Variants in GRID2 observed in about 807,000 individuals in gnomAD.
GRID2 encodes the protein glutamate ionotropic receptor delta type subunit 2.
A neutral mutation model predicts 114.8 loss-of-function variants in GRID2; 33 were observed. The ratio of observed to expected loss-of-function variants is 0.29; its 90% CI spans 0.22 to 0.38. The LOEUF (loss-of-function observed/expected upper bound fraction) is 0.38. Among genes scored for constraint, GRID2 ranks in the 10% least tolerant of loss-of-function variants. GRID2 has a pLI of 1.00. For synonymous variants in GRID2, 505 were observed against 449.9 expected, an observed-to-expected ratio of 1.12 and a Z score of -1.55; for missense variants, 1,184 against 1,257.7, an observed-to-expected ratio of 0.94 and a Z score of 0.89.
At chr4:93,385,358 A>C (rs765611269) in intron 8 of GRID2, among the ~76,000 whole-genome samples, 1 of 152,234 alleles carries the variant, frequency 6.6e-6, no homozygotes, top group Admixed American at 6.5e-5. Context: ...AAACAATTGT[A>C]GAATCACCAA....
intron 1 of GRID2, among the ~76,000 whole-genome samples, chr4:92,437,257 T>C (rs183167261): frequency 2.0e-5 from 3 of 152,292 alleles, no homozygotes; most frequent in Non-Finnish European, 4.4e-5. Context: ...AAATGATTCA[T>C]TTATATTTCT....
intron 1 of GRID2, among the ~76,000 whole-genome samples, chr4:92,439,982 TG>T (rs1261326386): frequency 6.9e-6 from 1 of 145,258 alleles, no homozygotes; most frequent in Non-Finnish European, 1.6e-5. Flanking sequence ...ACAAGTTTTT[TG>T]GGGGCACAGT....
At chr4:93,038,523 G>GAAA (rs1412245619) in intron 2 of GRID2, among the ~76,000 whole-genome samples, 2 of 152,144 alleles carry the variant, frequency 1.3e-5, no homozygotes, top group African/African-American at 4.8e-5. Context: ...AGGTGTGGTG[G>GAAA]CTCACGCCTG....
chr4:93,680,320 T>C (rs1725385836), intron 14 of GRID2, among the ~76,000 whole-genome samples: 1 of 151,874 alleles, frequency 6.6e-6, no homozygotes, highest in Non-Finnish European at 1.5e-5. Context: ...CAGGACCAGA[T>C]GGATTCACAG....
At chr4:92,417,500 A>T (rs1055127555) in intron 1 of GRID2, among the ~76,000 whole-genome samples, 2 of 152,110 alleles carry the variant, frequency 1.3e-5, no homozygotes. Flanking sequence ...CCCCTGAGGA[A>T]CTAACGCTCC....
chr4:93,376,402 A>G (rs889222120), intron 8 of GRID2, among the ~76,000 whole-genome samples: 1 of 152,134 alleles, frequency 6.6e-6, no homozygotes, highest in Admixed American at 6.5e-5. Flanking sequence ...AGATGTGGAT[A>G]TGGGGGATTC....
intron 1 of GRID2, among the ~76,000 whole-genome samples, chr4:92,460,227 G>A (rs1721432013): frequency 6.6e-6 from 1 of 151,218 alleles, no homozygotes; most frequent in Non-Finnish European, 1.5e-5. Flanking sequence ...CACAGATATT[G>A]AGAAGGCAAA....
intron 6 of GRID2, among the ~76,000 whole-genome samples, chr4:93,221,511 A>G (rs1283290255): frequency 2.6e-5 from 4 of 152,176 alleles, no homozygotes; most frequent in Non-Finnish European, 5.9e-5. Flanking sequence ...TCTGTCCAGT[A>G]AATGGTCATT....
intron 15 of GRID2, among the ~76,000 whole-genome samples, chr4:93,771,320 T>TA (rs1296802617): frequency 6.6e-6 from 1 of 152,204 alleles, no homozygotes; most frequent in Non-Finnish European, 1.5e-5. Flanking sequence ...AAGACGCCAT[T>TA]AGCATAGCTT....
chr4:92,379,567 C>T (rs777580643), intron 1 of GRID2, among the ~76,000 whole-genome samples: 12 of 151,758 alleles, frequency 7.9e-5, no homozygotes, highest in South Asian at 2.1e-4. Context: ...AGATATATGG[C>T]GGGGTTGAAC....
intron 14 of GRID2, among the ~76,000 whole-genome samples, chr4:93,668,236 A>G (rs1724110913): frequency 6.6e-6 from 1 of 152,040 alleles, no homozygotes; most frequent in South Asian, 2.1e-4. Context: ...TTAATCCCAA[A>G]TAATCACTAT....
intron 1 of GRID2, among the ~76,000 whole-genome samples, chr4:92,477,349 T>C (rs1367790626): frequency 6.6e-6 from 1 of 152,062 alleles, no homozygotes; most frequent in Non-Finnish European, 1.5e-5. Context: ...AGTCATTTAG[T>C]TTAGACTAAA....
chr4:92,959,818 C>T (rs1461799040), intron 2 of GRID2, among the ~76,000 whole-genome samples: 1 of 151,878 alleles, frequency 6.6e-6, no homozygotes, highest in Non-Finnish European at 1.5e-5. Context: ...AACACATGGA[C>T]ACAGGGAGGG....
chr4:92,392,555 A>C (rs548846149), intron 1 of GRID2, among the ~76,000 whole-genome samples: 1 of 151,836 alleles, frequency 6.6e-6, no homozygotes, highest in South Asian at 2.1e-4. Context: ...ATATATTTAT[A>C]TTTCCCTGAT....
At chr4:93,565,337 T>A (rs1735301346) in intron 13 of GRID2, among the ~76,000 whole-genome samples, 1 of 152,180 alleles carries the variant, frequency 6.6e-6, no homozygotes, top group Non-Finnish European at 1.5e-5. Flanking sequence ...AATATTGCCC[T>A]ATGGTTTTGC....
At chr4:93,289,868 G>A (rs1753554305) in intron 8 of GRID2, among the ~76,000 whole-genome samples, 1 of 152,044 alleles carries the variant, frequency 6.6e-6, no homozygotes, top group South Asian at 2.1e-4. Context: ...ATGTTCGTAT[G>A]TTAAAACAAC....
At position 93,515,406 on chromosome 4, in the gene GRID2, CA is replaced by C; in HGVS notation, c.2192del (p.Lys731ArgfsTer2). The C allele has an allele frequency of 6.2e-7, 1 of 1,601,090 alleles. No homozygotes were observed. The highest frequency in any genetic ancestry group is 8.6e-7 in the Non-Finnish European group (1 of 1,168,920). On this transcript the variant is annotated frameshift_variant, in exon 13 of 16. Coordinates refer to ENST00000282020, the MANE Select transcript of GRID2 (RefSeq NM_001510.4). LOFTEE classifies it high-confidence loss of function. ...NNVLESQAGI[Q>X]KVKYGNYAFV... ...TGTTCTGGAGTCCCAGGCAGGCATT[CA>C]AAAGGTACTGTCCATGGTTCTCCTT... is the stretch of plus-strand genomic sequence containing the variant.
intron 1 of GRID2, among the ~76,000 whole-genome samples, chr4:92,456,760 A>G (rs1404152742): frequency 6.6e-6 from 1 of 152,154 alleles, no homozygotes; most frequent in Non-Finnish European, 1.5e-5. Flanking sequence ...AGTAGGGAAC[A>G]CAGGTTCCAT....
rs552895067 is a variant in GRID2 at position 93,336,890 on chromosome 4, T to C, written c.1246-58717T>C. 1.8e-4 allele frequency among the ~76,000 whole-genome samples: 27 copies of C among 152,212 alleles called. 1 individual carries two copies. In the South Asian group the frequency reaches 5.6e-3, roughly 32 times the overall value. ...TTATTTTTATTTATAGTTGTTTCTA[T>C]ATTTTAATATTGATTATTTTCAATT... On this transcript the variant is annotated intron_variant, in intron 8 of 15. Coordinates refer to ENST00000282020, the MANE Select transcript of GRID2 (RefSeq NM_001510.4).
Sources: allele counts gnomAD v4.1 joint callset (sites outside exome capture counted in the v4.1 genomes callset), GRCh38; gene constraint gnomAD v4.1.1; transcripts MANE v1.5; gene names NCBI Gene and HGNC (gene_info 2026-07-23, HGNC 2026-07-21).